SYT16: variants seen among roughly 807,000 people sequenced by gnomAD.
SYT16 encodes synaptotagmin-16.
Under a neutral mutation model 61.4 loss-of-function variants are expected in SYT16, and 42 were observed. The ratio of observed to expected loss-of-function variants is 0.68; its 90% confidence interval spans 0.53 to 0.89. The LOEUF is 0.89. SYT16 is among the 40% of genes least tolerant of loss of function. SYT16 has a pLI of 0.00. For missense variants in SYT16, 804 were observed against 807.3 expected (o/e 1.00, Z 0.05); for synonymous variants, 314 against 302.3 (o/e 1.04, Z -0.40).
intron 3 of SYT16, among the ~76,000 whole-genome samples, chr14:62,005,123 G>A (rs150433114): frequency 6.6e-6 from 1 of 152,270 alleles, no homozygotes; most frequent in African/African-American, 2.4e-5. Context: ...TTACAGATTG[G>A]TGAGGATGGA....
In SYT16 at chr14:62,075,198, T is replaced by A. The variant is rs760243988; in HGVS notation, c.800T>A (p.Ile267Asn). The A allele has an allele frequency of 6.2e-7, 1 of 1,613,330 alleles. No individual in the cohort carries two copies. The highest frequency in any genetic ancestry group is 1.7e-5 in the Admixed American group (1 of 59,868). ...ENLSYGEDDH[I>N]PAHSQSPCER... ...CTCTCCTACGGTGAAGATGACCACA[T>A]CCCTGCTCACTCACAGTCCCCATGT... Residue 267 changes from isoleucine to asparagine, a missense_variant, in exon 5 of 8, where the codon ATC becomes AAC. Coordinates refer to ENST00000683842, the MANE Select transcript of SYT16 (RefSeq NM_001367656.1).
chr14:61,910,189 A>G (rs2048874806), intron 1 of SYT16, among the ~76,000 whole-genome samples: 1 of 151,930 alleles, frequency 6.6e-6, no homozygotes, highest in Admixed American at 6.6e-5. Flanking sequence ...CAAATATGAC[A>G]TCATATTAAT....
At chr14:61,890,720 T>A (rs2048093983) in intron 1 of SYT16, among the ~76,000 whole-genome samples, 1 of 152,028 alleles carries the variant, frequency 6.6e-6, no homozygotes, top group African/African-American at 2.4e-5. Context: ...AATACGTTAG[T>A]AAATAAGGGT....
chr14:61,868,895 A>G (rs80129704), intron 1 of SYT16, among the ~76,000 whole-genome samples: 2,075 of 152,206 alleles, frequency 0.014, 23 homozygotes, highest in Non-Finnish European at 0.021. Flanking sequence ...ATATCCAACA[A>G]TGCTTATGAA....
chr14:62,081,739 C>T (rs928209408), intron 6 of SYT16, among the ~76,000 whole-genome samples: 1 of 152,176 alleles, frequency 6.6e-6, no homozygotes, highest in African/African-American at 2.4e-5. Flanking sequence ...TTCCCTCATA[C>T]CCCATTTCCC....
rs375245414 is a variant in SYT16, at chr14:61,827,701, A to G, written c.-325+14891A>G. 3.9e-5 allele frequency among the ~76,000 whole-genome samples: 6 copies of G among 152,016 alleles called. No homozygotes were observed. The East Asian group carries it at 5.8e-4, about 15-fold the overall frequency. On this transcript the variant is annotated intron_variant, in intron 1 of 7. Coordinates refer to ENST00000683842, the MANE Select transcript of SYT16 (RefSeq NM_001367656.1). ...TTTGGATTATTTACACACTTTTGATATTTTATTTATTGCCATATTTTGTAT... is the reference window on the plus strand; with the variant it reads ...TTTGGATTATTTACACACTTTTGATGTTTTATTTATTGCCATATTTTGTAT...
intron 1 of SYT16, among the ~76,000 whole-genome samples, chr14:61,934,056 G>C (rs1177217045): frequency 2.6e-5 from 4 of 151,896 alleles, no homozygotes; most frequent in African/African-American, 9.7e-5. Context: ...TATTGTTTTT[G>C]TGGAAATAAA....
At chr14:61,940,055 C>G (rs1388125603) in intron 1 of SYT16, among the ~76,000 whole-genome samples, 6 of 152,110 alleles carry the variant, frequency 3.9e-5, no homozygotes, top group Non-Finnish European at 8.8e-5. Context: ...TTGCAGTCAA[C>G]TGTTTATGTG....
chr14:61,950,574 AT>A (rs2050630935), intron 1 of SYT16, among the ~76,000 whole-genome samples: 1 of 152,184 alleles, frequency 6.6e-6, no homozygotes, highest in Non-Finnish European at 1.5e-5. Flanking sequence ...AAATTTTCTA[AT>A]GTGTCACAAT....
intron 1 of SYT16, among the ~76,000 whole-genome samples, chr14:61,950,054 T>G (rs889023428): frequency 6.6e-6 from 1 of 152,268 alleles, no homozygotes; most frequent in Non-Finnish European, 1.5e-5. Context: ...AAATGTTGCA[T>G]GTTGTTTGGG....
At chr14:61,894,749 A>G (rs1387218089) in intron 1 of SYT16, among the ~76,000 whole-genome samples, 2 of 152,176 alleles carry the variant, frequency 1.3e-5, no homozygotes, top group Non-Finnish European at 2.9e-5. Flanking sequence ...TTCATTTCCT[A>G]ATTGGGATGA....
Position 61,912,818 on chromosome 14 carries a change from C to T in SYT16, c.-324-57314C>T, listed in dbSNP as rs185194732. On this transcript the variant is annotated intron_variant, in intron 1 of 7. Coordinates refer to ENST00000683842, the MANE Select transcript of SYT16 (RefSeq NM_001367656.1). ...TACAAAGATAAAGATGATTTAGTCC[C>T]CATCACTGTAATCTCTTGATAGGAA... Among the ~76,000 whole-genome samples, 408 of 152,264 alleles carry T rather than the reference C, an allele frequency of 2.7e-3. 1 individual carries two copies. Among genetic ancestry groups the T allele is most frequent in the Non-Finnish European group, 4.5e-3 (307 of 68,020 alleles).
intron 2 of SYT16, among the ~76,000 whole-genome samples, chr14:61,971,356 G>A (rs1344673319): frequency 9.0e-6 from 1 of 111,164 alleles, no homozygotes; most frequent in East Asian, 2.3e-4. Context: ...GCTGCAGTTA[G>A]AATGTCATCT....
chr14:62,009,896 T>G (rs536113498), intron 3 of SYT16, among the ~76,000 whole-genome samples: 2 of 152,330 alleles, frequency 1.3e-5, no homozygotes, highest in Non-Finnish European at 2.9e-5. Flanking sequence ...ATATTTCTGA[T>G]AATTTGACTG....
At position 62,050,842 on chromosome 14, in the gene SYT16, C is replaced by T. The variant is rs951171661; in HGVS notation, c.524-18761C>T. ...GATCATTCCTCTGGAAGTTTTGTCT[C>T]GGAGGAGTACCCAGCCATGTGAGGT... On this transcript the variant is annotated intron_variant, in intron 3 of 7. Coordinates refer to ENST00000683842, the MANE Select transcript of SYT16 (RefSeq NM_001367656.1). 1.2e-4 allele frequency among the ~76,000 whole-genome samples: 18 copies of T among 152,198 alleles called. No individual in the cohort carries two copies. The South Asian group carries it at 2.3e-3, about 19-fold the overall frequency.
chr14:62,069,852 A>G (rs772626636), intron 4 of SYT16, 37 bp downstream of exon 4: 2 of 1,602,614 alleles, frequency 1.2e-6, no homozygotes, highest in South Asian at 1.1e-5. Context: ...TAGACCAGGG[A>G]TGGCCAATGG....
intron 1 of SYT16, among the ~76,000 whole-genome samples, chr14:61,892,867 A>G (rs1377010017): frequency 6.6e-6 from 1 of 152,150 alleles, no homozygotes; most frequent in African/African-American, 2.4e-5. Context: ...GGCTGTAACA[A>G]ACAACCCCCA....
rs1332975930 is a variant in SYT16 at position 62,081,067 on chromosome 14, G to T, written c.1227G>T (p.Gly409=). The T allele has an allele frequency of 1.9e-6, 3 of 1,613,562 alleles. No individual in the cohort carries two copies. Among genetic ancestry groups the T allele is most frequent in the African/African-American group, 2.7e-5 (2 of 74,906 alleles). ...KHRGRTNIQR[G]PNPVFREKVT... Reference sequence around the variant, plus strand: ...GGGGCAGGACGAACATACAGAGAGGGCCCAACCCCGTCTTCAGGGAGAAGG... The same window carrying T: ...GGGGCAGGACGAACATACAGAGAGGTCCCAACCCCGTCTTCAGGGAGAAGG... The change falls in exon 6 of 8, where the codon GGG becomes GGT. Residue 409 remains glycine, a synonymous_variant. Transcript: ENST00000683842.
At chr14:62,097,767 A>C (rs1239842867) in intron 7 of SYT16, among the ~76,000 whole-genome samples, 1 of 152,206 alleles carries the variant, frequency 6.6e-6, no homozygotes, top group African/African-American at 2.4e-5. Flanking sequence ...AAATACTCTT[A>C]TGGCAGGATA....
Sources: allele counts gnomAD v4.1 joint callset (sites outside exome capture counted in the v4.1 genomes callset), GRCh38; gene constraint gnomAD v4.1.1; transcripts MANE v1.5; gene names NCBI Gene and HGNC (gene_info 2026-07-23, HGNC 2026-07-21).